MTUS2: variants seen among roughly 807,000 people sequenced by gnomAD.
The protein encoded by MTUS2 is microtubule associated scaffold protein 2.
In MTUS2, 40 loss-of-function variants were observed where a neutral mutation model predicts 114.1. The ratio of observed to expected loss-of-function variants is 0.35; its 90% CI spans 0.27 to 0.46. MTUS2 has a LOEUF of 0.46. Among genes scored for constraint, MTUS2 ranks in the 20% least tolerant of loss-of-function variants. The pLI is 1.00. For missense variants in MTUS2, 1,679 were observed against 1,705.4 expected (o/e 0.98, Z 0.27); for synonymous variants, 688 against 672.0 (o/e 1.02, Z -0.37).
chr13:29,312,467 TAA>T (rs1899813122), intron 6 of MTUS2, among the ~76,000 whole-genome samples: 1 of 152,204 alleles, frequency 6.6e-6, no homozygotes, highest in Admixed American at 6.5e-5. Context: ...TGAGGACACT[TAA>T]TACTAAATAG....
chr13:29,108,926 G>T (rs1004805002), intron 5 of MTUS2, among the ~76,000 whole-genome samples: 5 of 152,120 alleles, frequency 3.3e-5, no homozygotes, highest in East Asian at 1.9e-4. Flanking sequence ...AACAACTAGA[G>T]GTGGGAGAAG....
intron 5 of MTUS2, among the ~76,000 whole-genome samples, chr13:29,251,610 C>A (rs550815523): frequency 6.6e-6 from 1 of 152,310 alleles, no homozygotes; most frequent in East Asian, 1.9e-4. Flanking sequence ...AACCGCCATT[C>A]TACTTTCTCA....
At position 29,024,929 on chromosome 13, in the gene MTUS2, A is replaced by T; in HGVS notation, c.231A>T (p.Glu77Asp). ...AAAACCGTACCCATTTCCATAAGGA[A>T]TTTCACCAACTTCAGGGCTTTGGGA... ...EPENRTHFHK[E>D]FHQLQGFGKG... The change falls in exon 3 of 16, where the codon GAA becomes GAT. Residue 77 changes from glutamate (E) to aspartate (D), a missense_variant. By Grantham distance (45) the Glu-to-Asp change is conservative (BLOSUM62 2). Around this residue, in one of 3 missense-constraint regions of MTUS2, gnomAD observed 843 missense variants for 770.8 expected, o/e 1.09. Coordinates refer to ENST00000612955, the MANE Select transcript of MTUS2 (RefSeq NM_001033602.4). 1 of 1,613,834 alleles carries T rather than the reference A, an allele frequency of 6.2e-7. No homozygotes were observed. Among genetic ancestry groups the T allele is most frequent in the Non-Finnish European group, 8.5e-7 (1 of 1,179,840 alleles).
chr13:29,134,066 A>T (rs1175191830), intron 5 of MTUS2, among the ~76,000 whole-genome samples: 3 of 152,116 alleles, frequency 2.0e-5, no homozygotes, highest in Non-Finnish European at 4.4e-5. Context: ...TTTATTCCCT[A>T]AGTCTTGTTA....
chr13:28,936,576 C>T (rs1382700287), intron 2 of MTUS2, among the ~76,000 whole-genome samples: 2 of 152,114 alleles, frequency 1.3e-5, no homozygotes, highest in African/African-American at 2.4e-5. Flanking sequence ...GTGCCTTCCT[C>T]TGGAACCTGC....
At chr13:29,365,437 A>ATCAATAG (rs1870621210) in intron 8 of MTUS2, among the ~76,000 whole-genome samples, 1 of 152,050 alleles carries the variant, frequency 6.6e-6, no homozygotes, top group Non-Finnish European at 1.5e-5. Flanking sequence ...ATACCTGACC[A>ATCAATAG]AGGTGAAAAC....
chr13:29,307,155 C>G (rs1011125158), intron 6 of MTUS2: 20 of 489,854 alleles, frequency 4.1e-5, no homozygotes, highest in Non-Finnish European at 6.6e-5. Context: ...CCCCCTCTGC[C>G]AACACCCTGA....
chr13:29,220,145 G>A (rs1182570186), intron 5 of MTUS2, among the ~76,000 whole-genome samples: 2 of 151,908 alleles, frequency 1.3e-5, no homozygotes, highest in African/African-American at 2.4e-5. Flanking sequence ...ACAGGCACCC[G>A]CCACCATGAC....
chr13:29,487,574 C>A, intron 10 of MTUS2: 1 of 293,528 alleles, frequency 3.4e-6, no homozygotes, highest in Non-Finnish European at 6.5e-6. Flanking sequence ...TTTCCTTTGC[C>A]GTCATCGCTC....
chr13:29,117,283 G>A (rs1038368027), intron 5 of MTUS2, among the ~76,000 whole-genome samples: 1 of 152,048 alleles, frequency 6.6e-6, no homozygotes, highest in African/African-American at 2.4e-5. Flanking sequence ...TGCCTTCTGC[G>A]ACCCATGTGG....
intron 2 of MTUS2, among the ~76,000 whole-genome samples, chr13:28,850,978 C>T (rs951998253): frequency 1.1e-4 from 16 of 152,076 alleles, no homozygotes; most frequent in Admixed American, 3.9e-4. Flanking sequence ...GTGTATCTCT[C>T]GTTTGCCAGA....
At chr13:29,101,406 G>C (rs1431583250) in intron 5 of MTUS2, among the ~76,000 whole-genome samples, 1 of 152,068 alleles carries the variant, frequency 6.6e-6, no homozygotes, top group African/African-American at 2.4e-5. Context: ...CTGGATTTCT[G>C]AAAGTTAAAT....
intron 1 of MTUS2, among the ~76,000 whole-genome samples, chr13:28,839,305 G>T (rs976210415): frequency 1.3e-5 from 2 of 152,056 alleles, no homozygotes; most frequent in Non-Finnish European, 2.9e-5. Context: ...TATTGCTTCT[G>T]AATTAGAAGA....
chr13:29,486,577 C>G (rs1178452790), intron 10 of MTUS2, among the ~76,000 whole-genome samples: 1 of 152,188 alleles, frequency 6.6e-6, no homozygotes, highest in Admixed American at 6.5e-5. Context: ...AGCTTCAAGA[C>G]CAGTGCACAT....
chr13:29,002,494 A>T (rs1009725027), intron 2 of MTUS2, among the ~76,000 whole-genome samples: 3 of 152,254 alleles, frequency 2.0e-5, no homozygotes, highest in African/African-American at 7.2e-5. Context: ...TGATATGAAA[A>T]TAGGAAAAGT....
intron 5 of MTUS2, among the ~76,000 whole-genome samples, chr13:29,259,852 A>C (rs1370912544): frequency 6.6e-6 from 1 of 152,122 alleles, no homozygotes; most frequent in Non-Finnish European, 1.5e-5. Context: ...CGTGTCACAT[A>C]CTCTATACGT....
intron 2 of MTUS2, among the ~76,000 whole-genome samples, chr13:28,922,891 G>A (rs111845312): frequency 0.013 from 1,955 of 152,060 alleles, 42 homozygotes; most frequent in African/African-American, 0.044. Context: ...ACTTCTATTC[G>A]GCCATCTTGC....
At chr13:28,903,891 G>A (rs550735596) in intron 2 of MTUS2, among the ~76,000 whole-genome samples, 175 of 152,184 alleles carry the variant, frequency 1.1e-3, no homozygotes, top group African/African-American at 4.0e-3. Flanking sequence ...GTGTAAAAGT[G>A]TTCCTATTTC....
At chr13:29,140,504 A>G (rs947380129) in intron 5 of MTUS2, among the ~76,000 whole-genome samples, 1 of 152,136 alleles carries the variant, frequency 6.6e-6, no homozygotes, top group African/African-American at 2.4e-5. Flanking sequence ...TGCCGCAGTT[A>G]TTTCTGGAAT....
Sources: allele counts gnomAD v4.1 joint callset (sites outside exome capture counted in the v4.1 genomes callset), GRCh38; gene constraint gnomAD v4.1.1; regional missense constraint gnomAD v4.1.1; transcripts MANE v1.5; gene names NCBI Gene and HGNC (gene_info 2026-07-23, HGNC 2026-07-21).